Variants in AS3MT observed in about 807,000 individuals in gnomAD.
AS3MT encodes the protein arsenite methyltransferase.
AS3MT carries 47 observed loss-of-function variants against 45.3 expected under a neutral mutation model. That is an observed-to-expected ratio of 1.04 (90% CI 0.82 to 1.32). The LOEUF is 1.32. Ranked by LOEUF, AS3MT falls within the 40% of genes most tolerant of loss-of-function variation. The pLI, the probability that AS3MT is intolerant of heterozygous loss-of-function variation, is 0.00. For synonymous variants in AS3MT, 141 were observed against 152.8 expected, an observed-to-expected ratio of 0.92 and a Z score of 0.57; for missense variants, 396 against 451.1, an observed-to-expected ratio of 0.88 and a Z score of 1.11.
chr10:102,878,232 T>TG (rs1844818079), intron 7 of AS3MT, 147 bp from the exon 8 acceptor site: 3 of 1,168,140 alleles, frequency 2.6e-6, no homozygotes, highest in African/African-American at 1.6e-5. Flanking sequence ...TTCTAGACCT[T>TG]GGAGGGATGC....
chr10:102,895,421 G>C (rs1294205998), intron 10 of AS3MT, among the ~76,000 whole-genome samples: 1 of 151,866 alleles, frequency 6.6e-6, no homozygotes, highest in Non-Finnish European at 1.5e-5. Context: ...GCCTGGTCTC[G>C]AACTCCTGAC....
intron 9 of AS3MT, among the ~76,000 whole-genome samples, chr10:102,886,445 C>T (rs2134123021): frequency 6.6e-6 from 1 of 152,120 alleles, no homozygotes; most frequent in South Asian, 2.1e-4. Flanking sequence ...CTGTCTCAGC[C>T]TCCCAAGTAG....
intron 10 of AS3MT, among the ~76,000 whole-genome samples, chr10:102,891,385 C>T (rs1039161878): frequency 7.9e-5 from 12 of 152,152 alleles, no homozygotes; most frequent in African/African-American, 2.9e-4. Flanking sequence ...AGAGACCTTT[C>T]GTGAGTATTC....
rs746395314 is a variant in AS3MT, at chr10:102,872,463, T to G, written c.186T>G (p.Gly62=). 1.2e-6 allele frequency: 2 copies of G among 1,613,856 alleles called. No individual in the cohort carries two copies. The highest frequency in any genetic ancestry group is 1.7e-6 in the Non-Finnish European group (2 of 1,179,912). ...EEVALRYYGC[G]LVIPEHLENC... The stretch of plus-strand genomic sequence containing the variant: ...CATTTCCCAGATATTATGGCTGTGG[T>G]CTGGTGATCCCTGAGCATCTAGAAA... The change falls in exon 4 of 11, where the codon GGT becomes GGG. Residue 62 remains glycine, a synonymous_variant. Transcript: ENST00000369880.
rs1845002466 is a variant in AS3MT, at chr10:102,888,819, CA to C, written c.886-1722del. Among the ~76,000 whole-genome samples the C allele has an allele frequency of 7.6e-5, 11 of 143,988 alleles. No homozygotes were observed. The South Asian group carries it at 2.4e-3, about 31-fold the overall frequency. 94.5% of individuals were successfully genotyped at this position (143,988 alleles called of 152,430 possible). On this transcript the variant is annotated intron_variant, in intron 9 of 10. Coordinates refer to ENST00000369880, the MANE Select transcript of AS3MT (RefSeq NM_020682.4). ...TAAACTAGTCACTTTACTGATATATCAAACACTAGGTCTTATTTCTTTCATC... is the reference window on the plus strand; with the variant it reads ...TAAACTAGTCACTTTACTGATATATCAACACTAGGTCTTATTTCTTTCATC...
chr10:102,897,600 GGAC>G (rs2134134614), intron 10 of AS3MT, among the ~76,000 whole-genome samples: 2 of 151,570 alleles, frequency 1.3e-5, no homozygotes, highest in Admixed American at 6.6e-5. Context: ...CGAGTAGCTG[GGAC>G]TACAGGCACA....
intron 2 of AS3MT, 72 bp from the exon 3 acceptor site, chr10:102,870,012 C>G: frequency 6.3e-7 from 1 of 1,581,082 alleles, no homozygotes; most frequent in Non-Finnish European, 8.6e-7. Flanking sequence ...GAGGTGGTGA[C>G]GGAGCCCTCG....
intron 3 of AS3MT, among the ~76,000 whole-genome samples, 159 bp from the exon 4 acceptor site, chr10:102,872,289 C>A (rs1199115929): frequency 6.6e-6 from 1 of 151,946 alleles, no homozygotes; most frequent in Non-Finnish European, 1.5e-5. Flanking sequence ...GTGTCCAGTT[C>A]AGTGGAGACT....
At chr10:102,870,297 C>A in intron 3 of AS3MT, 86 bp downstream of exon 3, 1 of 1,503,768 alleles carries the variant, frequency 6.6e-7, no homozygotes, top group African/African-American at 1.4e-5. Context: ...GGAATTAACC[C>A]GTAGCCACCA....
At chr10:102,883,641 G>A (rs1430948420) in intron 9 of AS3MT, among the ~76,000 whole-genome samples, 1 of 151,886 alleles carries the variant, frequency 6.6e-6, no homozygotes, top group Non-Finnish European at 1.5e-5. Context: ...TTGAACCCAG[G>A]AGGCAGAGGT....
Position 102,869,568 on chromosome 10 carries a change from G to A in AS3MT, c.-25G>A, listed in dbSNP as rs563195884. On this transcript the variant is annotated 5_prime_UTR_variant, in exon 1 of 11. Coordinates refer to ENST00000369880, the MANE Select transcript of AS3MT (RefSeq NM_020682.4). ...CAGGCCGAGGAGACAGTGAGTGCGC[G>A]CCCTGAGTCGCAGGCCGAGGAGACA... 6.7e-7 allele frequency: 1 copy of A among 1,493,854 alleles called. No homozygotes were observed. The highest frequency in any genetic ancestry group is 9.0e-7 in the Non-Finnish European group (1 of 1,110,978). The allele number at this position is 1,493,854 out of a possible 1,614,324, so 92.5% of individuals were successfully genotyped here. A position where few individuals can be genotyped will look rare whatever the true frequency, so the allele number is the denominator to read the frequency against.
intron 10 of AS3MT, among the ~76,000 whole-genome samples, chr10:102,899,572 G>C (rs907402179): frequency 5.3e-5 from 8 of 151,938 alleles, no homozygotes; most frequent in African/African-American, 1.7e-4. Flanking sequence ...TGCCTGCCTT[G>C]TACACCCCTC....
Position 102,891,948 on chromosome 10 carries a change from C to CAA in AS3MT, c.1020+1295_1020+1296dup, listed in dbSNP as rs57594880. 4.5e-3 allele frequency among the ~76,000 whole-genome samples: 262 copies of CAA among 57,830 alleles called. 11 individuals are homozygous for CAA. Among genetic ancestry groups the CAA allele is most frequent in the Middle Eastern group, 0.013 (1 of 80 alleles). 37.9% of individuals were successfully genotyped at this position (57,830 alleles called of 152,430 possible). A position where few individuals can be genotyped will look rare whatever the true frequency, so the allele number is the denominator to read the frequency against. On this transcript the variant is annotated intron_variant, in intron 10 of 10. Coordinates refer to ENST00000369880, the MANE Select transcript of AS3MT (RefSeq NM_020682.4). ...TGGGCAACAGAGTGAGACTCTGTCT[C>CAA]AAAAAAAAAAAAAAAAAAAAAAAAA... is the stretch of plus-strand genomic sequence containing the variant.
At chr10:102,892,064 T>C (rs772244916) in intron 10 of AS3MT, among the ~76,000 whole-genome samples, 37 of 151,986 alleles carry the variant, frequency 2.4e-4, no homozygotes, top group Non-Finnish European at 4.9e-4. Context: ...TTTGAGTGCA[T>C]ATTGAATCAT....
At chr10:102,899,935 G>A (rs1845244396) in intron 10 of AS3MT, among the ~76,000 whole-genome samples, 2 of 152,138 alleles carry the variant, frequency 1.3e-5, no homozygotes, top group African/African-American at 4.8e-5. Context: ...TCAAAGTGCT[G>A]GGATTACAGG....
At chr10:102,869,640 C>T (rs861406) in intron 1 of AS3MT, 47 bp downstream of exon 1, 3 of 1,574,010 alleles carry the variant, frequency 1.9e-6, no homozygotes, top group Non-Finnish European at 2.6e-6. Flanking sequence ...AGCCCCTTCC[C>T]TGGGCCCCCG....
chr10:102,874,506 T>G (rs990486158), intron 5 of AS3MT, 86 bp from the exon 6 acceptor site: 2 of 988,124 alleles, frequency 2.0e-6, no homozygotes, highest in Non-Finnish European at 3.1e-6. Context: ...GACAGAACGG[T>G]GGGAACCACC....
chr10:102,877,136 G>A (rs1844795753), intron 7 of AS3MT, 101 bp downstream of exon 7: 19 of 1,146,022 alleles, frequency 1.7e-5, no homozygotes, highest in Non-Finnish European at 2.3e-5. Context: ...GATCACATGG[G>A]GTTAGGCCAT....
intron 9 of AS3MT, chr10:102,888,320 T>A (rs1435992702): frequency 6.6e-6 from 1 of 152,226 alleles, no homozygotes; most frequent in Non-Finnish European, 1.5e-5. Flanking sequence ...TTGATGTAGC[T>A]ATTTTGGGGC....
Sources: gnomAD v4.1 joint callset for allele counts (sites outside exome capture counted in the v4.1 genomes callset) on GRCh38, gnomAD v4.1.1 for gene constraint, MANE v1.5 for transcripts, NCBI Gene and HGNC (gene_info 2026-07-23, HGNC 2026-07-21) for gene names.